The following HYDIN variants were observed in gnomAD, a reference collection of about 807,000 sequenced individuals.
HYDIN encodes the protein axonemal central pair apparatus protein HYDIN.
HYDIN carries 132 observed loss-of-function variants against 403.9 expected under a neutral mutation model. The observed-to-expected ratio is 0.33, with a 90% CI of 0.28 to 0.38. The LOEUF (loss-of-function observed/expected upper bound fraction) is 0.38, where lower values mean the gene tolerates loss of function less well. Ranked by LOEUF, HYDIN falls within the 10% of genes least tolerant of loss-of-function variation. The pLI is 1.00. For synonymous variants in HYDIN, 1,202 were observed against 1,891.7 expected (o/e 0.64, Z 9.46); for missense variants, 2,827 against 5,009.5 (o/e 0.56, Z 13.15).
chr16:71,101,916 T>C (rs1183214764), intron 10 of HYDIN, among the ~76,000 whole-genome samples: 2 of 152,092 alleles, frequency 1.3e-5, no homozygotes, highest in Non-Finnish European at 2.9e-5. Context: ...TTATTCTCAA[T>C]AGCATAACAG....
chr16:70,930,197 C>T (rs1293199729), intron 45 of HYDIN, among the ~76,000 whole-genome samples: 1 of 152,244 alleles, frequency 6.6e-6, no homozygotes, highest in Non-Finnish European at 1.5e-5. Context: ...AACCACCAAC[C>T]GGGCTGGGCA....
At chr16:70,963,133 G>C (rs1456268540) in intron 37 of HYDIN, among the ~76,000 whole-genome samples, 1 of 151,190 alleles carries the variant, frequency 6.6e-6, no homozygotes, top group African/African-American at 2.4e-5. Context: ...CCCTCTGATG[G>C]TGTGTCTCTC....
At chr16:71,007,413 A>G (rs1172520034) in intron 23 of HYDIN, among the ~76,000 whole-genome samples, 1 of 152,216 alleles carries the variant, frequency 6.6e-6, no homozygotes, top group Non-Finnish European at 1.5e-5. Flanking sequence ...TAAAATAGAT[A>G]TATAGTAATA....
intron 36 of HYDIN, among the ~76,000 whole-genome samples, chr16:70,965,901 A>G (rs1177502360): frequency 1.3e-5 from 2 of 152,172 alleles, no homozygotes; most frequent in East Asian, 1.9e-4. Flanking sequence ...CAGAGTGGCA[A>G]TGATGCTGGG....
At chr16:70,942,148 C>G (rs924436643) in intron 42 of HYDIN, among the ~76,000 whole-genome samples, 3 of 150,378 alleles carry the variant, frequency 2.0e-5, no homozygotes, top group Non-Finnish European at 4.4e-5. Flanking sequence ...CCTCAGCCTC[C>G]CAAGTAGCTG....
intron 1 of HYDIN, among the ~76,000 whole-genome samples, chr16:71,209,308 A>C (rs2088463490): frequency 6.6e-6 from 1 of 151,644 alleles, no homozygotes; most frequent in East Asian, 1.9e-4. Flanking sequence ...TGATTATCTC[A>C]ATAGATGAAG....
At chr16:70,945,620 C>G (rs1173729741) in intron 41 of HYDIN, among the ~76,000 whole-genome samples, 1 of 152,082 alleles carries the variant, frequency 6.6e-6, no homozygotes, top group African/African-American at 2.4e-5. Flanking sequence ...ACTCCAATGA[C>G]TAGGAATTTG....
rs993703682 is a variant in HYDIN, at chr16:70,974,280, G to A, written c.4930C>T (p.Arg1644Cys). The A allele has an allele frequency of 1.9e-5, 31 of 1,612,194 alleles. No individual in the cohort carries two copies. Among genetic ancestry groups the A allele is most frequent in the Non-Finnish European group, 2.5e-5 (29 of 1,179,194 alleles). The change falls in exon 33 of 86, where the codon CGT becomes TGT. Residue 1644 changes from arginine (R) to cysteine (C), a missense_variant. Transcript: ENST00000393567. ...TCACAATGAGGTAGATTCTTTACAC[G>A]ATCTAGCTCAGTACTGAATCCTGGA... ...HETGFSTELD[R>C]VKNLPHCETE...
At chr16:71,114,168 T>A (rs2083930024) in intron 10 of HYDIN, among the ~76,000 whole-genome samples, 1 of 152,142 alleles carries the variant, frequency 6.6e-6, no homozygotes, top group South Asian at 2.1e-4. Context: ...TGAGGAAAGA[T>A]GTTTTGAGAC....
At chr16:71,227,670 C>G (rs1036582234) in intron 1 of HYDIN, among the ~76,000 whole-genome samples, 1 of 152,108 alleles carries the variant, frequency 6.6e-6, no homozygotes, top group Admixed American at 6.6e-5. Context: ...AAAGAGGACA[C>G]AAATGGAAGA....
At chr16:71,206,578 T>A (rs2088312128) in intron 1 of HYDIN, among the ~76,000 whole-genome samples, 1 of 152,146 alleles carries the variant, frequency 6.6e-6, no homozygotes, top group African/African-American at 2.4e-5. Flanking sequence ...CAGACTGAGA[T>A]GGCTGAAATG....
rs2082594774 is a variant in HYDIN, at chr16:71,075,262, T to C, written c.1738+4623A>G. Among the ~76,000 whole-genome samples the C allele has an allele frequency of 2.0e-5, 3 of 151,948 alleles. No individual in the cohort carries two copies. The Middle Eastern group carries it at 0.01, about 517-fold the overall frequency. ...AAGATATTACAAAACAAAAGAAAAG[T>C]AAATTGTTTCTAATTTTCAGCTAAG... On this transcript the variant is annotated intron_variant, in intron 13 of 85. Transcript: ENST00000393567.
intron 23 of HYDIN, among the ~76,000 whole-genome samples, chr16:71,017,370 G>T (rs1420217941): frequency 1.4e-5 from 2 of 145,738 alleles, no homozygotes; most frequent in African/African-American, 2.6e-5. Flanking sequence ...AAAAAAAAAA[G>T]TGTTTGGCAG....
At chr16:71,210,062 G>A (rs1256394876) in intron 1 of HYDIN, among the ~76,000 whole-genome samples, 2 of 152,204 alleles carry the variant, frequency 1.3e-5, no homozygotes, top group Admixed American at 6.5e-5. Flanking sequence ...CTTCTGGTGG[G>A]AGAGTAAATT....
chr16:71,206,071 C>T (rs1476309358), intron 1 of HYDIN, among the ~76,000 whole-genome samples: 1 of 152,186 alleles, frequency 6.6e-6, no homozygotes, highest in Non-Finnish European at 1.5e-5. Context: ...GGCTGGCAAT[C>T]CTACCCACCC....
intron 38 of HYDIN, among the ~76,000 whole-genome samples, chr16:70,960,913 G>A (rs967526691): frequency 7.9e-5 from 12 of 152,138 alleles, no homozygotes; most frequent in African/African-American, 2.4e-4. Context: ...GGATGGTCTC[G>A]AACTCCTGAC....
intron 60 of HYDIN, among the ~76,000 whole-genome samples, chr16:70,880,335 A>C (rs1471164898): frequency 1.4e-5 from 2 of 140,248 alleles, no homozygotes; most frequent in Non-Finnish European, 3.0e-5. Context: ...CTGGGATTAC[A>C]GGTGTAAGCC....
At chr16:70,878,020 T>C (rs1192010199) in intron 62 of HYDIN, among the ~76,000 whole-genome samples, 2 of 152,202 alleles carry the variant, frequency 1.3e-5, no homozygotes, top group Non-Finnish European at 2.9e-5. Flanking sequence ...AAGATGGTGA[T>C]ATGGTTTGGC....
intron 1 of HYDIN, among the ~76,000 whole-genome samples, chr16:71,206,169 C>T (rs889781831): frequency 5.9e-5 from 9 of 152,176 alleles, no homozygotes; most frequent in African/African-American, 1.9e-4. Context: ...GTGGACACAA[C>T]CCTGTGTTTC....
Sources: allele counts gnomAD v4.1 joint callset (sites outside exome capture counted in the v4.1 genomes callset), GRCh38; gene constraint gnomAD v4.1.1; transcripts MANE v1.5; gene names NCBI Gene and HGNC (gene_info 2026-07-23, HGNC 2026-07-21).